CRIM1: variants seen among roughly 807,000 people sequenced by gnomAD.
CRIM1 encodes cysteine-rich motor neuron 1 protein.
In CRIM1, 32 loss-of-function variants were observed where a neutral mutation model predicts 116.4. The ratio of observed to expected loss-of-function variants is 0.27; its 90% confidence interval spans 0.21 to 0.37. CRIM1 has a LOEUF of 0.37. Among genes scored for constraint, CRIM1 ranks in the 10% least tolerant of loss-of-function variants. CRIM1 has a pLI of 1.00. For missense variants in CRIM1, 1,331 were observed against 1,354.8 expected (o/e 0.98, Z 0.28); for synonymous variants, 590 against 509.2 (o/e 1.16, Z -2.13).
chr2:36,522,635 C>G (rs1302183011), intron 13 of CRIM1, among the ~76,000 whole-genome samples: 1 of 151,900 alleles, frequency 6.6e-6, no homozygotes, highest in African/African-American at 2.4e-5. Context: ...AACCCCGTCT[C>G]TACCAAAAAT....
intron 7 of CRIM1, among the ~76,000 whole-genome samples, chr2:36,493,230 G>A (rs540777998): frequency 2.6e-5 from 4 of 151,840 alleles, no homozygotes; most frequent in Admixed American, 6.6e-5. Flanking sequence ...GCAACATAGT[G>A]AGACCTCATC....
chr2:36,525,050 G>A (rs566030572), intron 13 of CRIM1, among the ~76,000 whole-genome samples: 9 of 152,208 alleles, frequency 5.9e-5, no homozygotes, highest in South Asian at 4.1e-4. Context: ...ACTGATGCAC[G>A]TATAATTTTA....
intron 2 of CRIM1, among the ~76,000 whole-genome samples, chr2:36,414,153 A>C (rs1342803847): frequency 6.6e-6 from 1 of 152,098 alleles, no homozygotes; most frequent in East Asian, 1.9e-4. Flanking sequence ...ATGCTTTGGC[A>C]TCTCTGCTCT....
chr2:36,444,937 C>G (rs1488992738), intron 4 of CRIM1, among the ~76,000 whole-genome samples: 1 of 152,190 alleles, frequency 6.6e-6, no homozygotes, highest in East Asian at 1.9e-4. Flanking sequence ...CCTCTCTGCT[C>G]CCTTGTCATC....
rs532994663 is a variant in CRIM1 at position 36,410,843 on chromosome 2, A to G, written c.505+14056A>G. ...GACACTTGTTTCAGTGTTTGAGTTC[A>G]TGGCAGGGTGCATTAACGTGGCGTC... On this transcript the variant is annotated intron_variant, in intron 2 of 16. Transcript: ENST00000280527. Among the ~76,000 whole-genome samples, 21 of 152,270 alleles carry G rather than the reference A, an allele frequency of 1.4e-4. No homozygotes were observed. In the South Asian group the frequency reaches 4.2e-3, roughly 30 times the overall value.
At position 36,399,463 on chromosome 2, in the gene CRIM1, C is replaced by T. The variant is rs771505768; in HGVS notation, c.505+2676C>T. On this transcript the variant is annotated intron_variant, in intron 2 of 16. Transcript: ENST00000280527. ...TGCACCATTTTGATGGAAGAACCTA[C>T]GGTATCTGCTAGCAGGAAAGGGAAG... 2.4e-4 allele frequency among the ~76,000 whole-genome samples: 37 copies of T among 152,202 alleles called. 1 individual carries two copies. The highest frequency in any genetic ancestry group is 5.8e-4 in the East Asian group (3 of 5,174).
At chr2:36,389,241 C>T (rs887467710) in intron 1 of CRIM1, among the ~76,000 whole-genome samples, 3 of 152,200 alleles carry the variant, frequency 2.0e-5, no homozygotes, top group Non-Finnish European at 2.9e-5. Flanking sequence ...GCTTTGGGAA[C>T]ATAGGCCTTA....
intron 14 of CRIM1, among the ~76,000 whole-genome samples, chr2:36,540,061 GAGA>G (rs1443052530): frequency 6.6e-6 from 1 of 152,090 alleles, no homozygotes; most frequent in Non-Finnish European, 1.5e-5. Flanking sequence ...AAAAGAAATA[GAGA>G]AGGAGCACCA....
At chr2:36,360,662 A>G (rs1349758254) in intron 1 of CRIM1, among the ~76,000 whole-genome samples, 1 of 152,112 alleles carries the variant, frequency 6.6e-6, no homozygotes, top group Non-Finnish European at 1.5e-5. Flanking sequence ...CTTGGAAGAA[A>G]ATGTATGCGG....
intron 1 of CRIM1, among the ~76,000 whole-genome samples, chr2:36,364,832 T>TTG (rs765617860): frequency 2.6e-4 from 39 of 151,406 alleles, no homozygotes; most frequent in Middle Eastern, 3.4e-3. Flanking sequence ...ATATATAAGA[T>TTG]TGTGTGTGTG....
chr2:36,535,211 T>C (rs781372991), intron 13 of CRIM1, among the ~76,000 whole-genome samples: 55 of 72,652 alleles, frequency 7.6e-4, no homozygotes, highest in Non-Finnish European at 8.3e-4. Context: ...GAAGGAAGGA[T>C]GGAGGGAGAA....
At chr2:36,381,011 C>G (rs1359046478) in intron 1 of CRIM1, among the ~76,000 whole-genome samples, 2 of 152,368 alleles carry the variant, frequency 1.3e-5, no homozygotes, top group Middle Eastern at 6.8e-3. Flanking sequence ...CGCTGCTCTC[C>G]CTGCCCCATG....
chr2:36,503,062 C>T (rs1456999114), intron 8 of CRIM1, among the ~76,000 whole-genome samples: 4 of 152,224 alleles, frequency 2.6e-5, no homozygotes, highest in Non-Finnish European at 5.9e-5. Context: ...CTGCTGTCAC[C>T]TCCCCCATTC....
intron 8 of CRIM1, among the ~76,000 whole-genome samples, chr2:36,502,200 G>GA (rs1681049826): frequency 6.6e-6 from 1 of 152,146 alleles, no homozygotes; most frequent in Non-Finnish European, 1.5e-5. Context: ...ACTTCACACG[G>GA]AATCTTTCAT....
At chr2:36,542,140 A>G (rs548879367) in intron 14 of CRIM1, among the ~76,000 whole-genome samples, 1 of 152,270 alleles carries the variant, frequency 6.6e-6, no homozygotes, top group East Asian at 1.9e-4. Context: ...GGAGTGAGCT[A>G]ATACACAGGA....
chr2:36,469,168 C>A (rs930847605), intron 5 of CRIM1, among the ~76,000 whole-genome samples: 2 of 152,054 alleles, frequency 1.3e-5, no homozygotes, highest in Non-Finnish European at 2.9e-5. Context: ...GGAAGAGTAC[C>A]CTCTTCCCAG....
At chr2:36,540,920 TTCA>T (rs1327972412) in intron 14 of CRIM1, among the ~76,000 whole-genome samples, 1 of 152,224 alleles carries the variant, frequency 6.6e-6, no homozygotes, top group African/African-American at 2.4e-5. Context: ...AACATCCTTG[TTCA>T]TCATTAGAGA....
At chr2:36,453,538 G>A (rs2124975627) in intron 4 of CRIM1, among the ~76,000 whole-genome samples, 1 of 152,272 alleles carries the variant, frequency 6.6e-6, no homozygotes, top group African/African-American at 2.4e-5. Context: ...AAATTAGATA[G>A]ACAATTAGTC....
At chr2:36,422,376 A>G (rs1674133340) in intron 2 of CRIM1, among the ~76,000 whole-genome samples, 1 of 152,140 alleles carries the variant, frequency 6.6e-6, no homozygotes, top group Non-Finnish European at 1.5e-5. Context: ...GTAGTTAATA[A>G]AAGGTGGCAG....
Sources: allele counts gnomAD v4.1 joint callset (sites outside exome capture counted in the v4.1 genomes callset), GRCh38; gene constraint gnomAD v4.1.1; transcripts MANE v1.5; gene names NCBI Gene and HGNC (gene_info 2026-07-23, HGNC 2026-07-21).